PCDHGA11: variants seen among roughly 807,000 people sequenced by gnomAD.
The protein encoded by PCDHGA11 is protocadherin gamma subfamily A, 11.
A neutral mutation model predicts 60.4 loss-of-function variants in PCDHGA11; 39 were observed. The ratio of observed to expected loss-of-function variants is 0.65; its 90% CI spans 0.50 to 0.84. The LOEUF is 0.84. Among genes scored for constraint, PCDHGA11 ranks in the 40% least tolerant of loss-of-function variants. PCDHGA11 has a pLI of 0.00. For missense variants in PCDHGA11, 1,165 were observed against 1,197.7 expected (o/e 0.97, Z 0.40); for synonymous variants, 533 against 510.3 (o/e 1.04, Z -0.60).
Position 141,490,350 on chromosome 5 carries a change from G to T in PCDHGA11, c.2434-4457G>T. On this transcript the variant is annotated intron_variant, in intron 1 of 3. Transcript: ENST00000398587. This position sits in a 1 kb window ranked among gnomAD's most constrained non-coding sequence, Gnocchi z 5.4. Reference sequence around the variant, plus strand: ...GCACACCAGTGGGCACAGTAGTGGGGTTGTTTAATGTGCGAGACCGGGACT... The same window carrying T: ...GCACACCAGTGGGCACAGTAGTGGGTTTGTTTAATGTGCGAGACCGGGACT... 2 of 1,614,204 alleles carry T rather than the reference G, an allele frequency of 1.2e-6. No homozygotes were observed. The highest frequency in any genetic ancestry group is 1.7e-6 in the Non-Finnish European group (2 of 1,180,034).
intron 1 of PCDHGA11, among the ~76,000 whole-genome samples, chr5:141,451,106 G>A (rs1204327490): frequency 1.3e-5 from 2 of 152,164 alleles, no homozygotes; most frequent in African/African-American, 4.8e-5. Context: ...GGGATTACAG[G>A]CGTGAGCCAC....
chr5:141,426,596 C>T (rs1408090148), intron 1 of PCDHGA11: 9 of 377,102 alleles, frequency 2.4e-5, no homozygotes, highest in Middle Eastern at 3.9e-4. Context: ...GTGTCATACC[C>T]TTAGAGATTG....
Position 141,490,931 on chromosome 5 carries a change from T to C in PCDHGA11, c.2434-3876T>C. 1 of 1,613,780 alleles carries C rather than the reference T, an allele frequency of 6.2e-7. No individual in the cohort carries two copies. Among genetic ancestry groups the C allele is most frequent in the East Asian group, 2.2e-5 (1 of 44,872 alleles). ...GACGAGAATGATAATGCCCCAGCTG[T>C]GCTGCACCCACGGCCAGACTGGGAA... On this transcript the variant is annotated intron_variant, in intron 1 of 3. Transcript: ENST00000398587. This position sits in a 1 kb window ranked among gnomAD's most constrained non-coding sequence, Gnocchi z 5.4.
chr5:141,446,482 C>A (rs961785845), intron 1 of PCDHGA11, among the ~76,000 whole-genome samples: 2 of 146,988 alleles, frequency 1.4e-5, no homozygotes, highest in Non-Finnish European at 3.0e-5. Flanking sequence ...GGTCATCATT[C>A]TTTTTTTTTT....
At chr5:141,441,537 C>A in intron 1 of PCDHGA11, 1 of 173,250 alleles carries the variant, frequency 5.8e-6, no homozygotes, top group Non-Finnish European at 1.2e-5. Context: ...ACAATCTTCC[C>A]AAAGCCTCCA....
chr5:141,445,249 G>T (rs1337658576), intron 1 of PCDHGA11, among the ~76,000 whole-genome samples: 2 of 152,170 alleles, frequency 1.3e-5, no homozygotes, highest in Non-Finnish European at 2.9e-5. Context: ...ACTATATTGT[G>T]TGAGAATATA....
chr5:141,429,048 G>A (rs2097180589), intron 1 of PCDHGA11: 5 of 152,064 alleles, frequency 3.3e-5, no homozygotes, highest in Admixed American at 3.3e-4. Context: ...TACAGACGGG[G>A]TTTCACCGTG....
chr5:141,486,832 A>G lies in PCDHGA11; in HGVS notation c.2434-7975A>G. 2.5e-6 allele frequency: 4 copies of G among 1,614,182 alleles called. No individual in the cohort carries two copies. Among genetic ancestry groups the G allele is most frequent in the South Asian group, 1.1e-5 (1 of 91,082 alleles). ...TTAGCAGCACTGTAACAGTTCGTCT[A>G]TTTGTGCTGGACCTCAATGACAATG... On this transcript the variant is annotated intron_variant, in intron 1 of 3. Transcript: ENST00000398587. The surrounding 1 kb of genome is among the most constrained non-coding windows in gnomAD (Gnocchi z 5.0).
At chr5:141,499,828 A>G (rs921957227) in intron 2 of PCDHGA11, among the ~76,000 whole-genome samples, 1 of 151,834 alleles carries the variant, frequency 6.6e-6, no homozygotes, top group Non-Finnish European at 1.5e-5. Context: ...CTAGGATTAC[A>G]GGTGTGCACC....
intron 1 of PCDHGA11, chr5:141,429,216 T>A (rs1590916921): frequency 6.8e-6 from 1 of 146,786 alleles, no homozygotes; most frequent in Admixed American, 6.7e-5. Context: ...GTGTGAAAAG[T>A]GGGTATTATG....
Position 141,423,397 on chromosome 5 carries a change from C to T in PCDHGA11, c.2170C>T (p.Arg724Cys), listed in dbSNP as rs759822483. The T allele has an allele frequency of 1.9e-6, 3 of 1,614,146 alleles. No individual in the cohort carries two copies. The highest frequency in any genetic ancestry group is 2.2e-5 in the East Asian group (1 of 44,890). ...CAGGCTGTGGCGCTGGCATAAGTCA[C>T]GCCTGCTGCAGGCTTCTGAAGGCGG... ...ALRLWRWHKS[R>C]LLQASEGGLA... Residue 724 changes from arginine (R) to cysteine (C), a missense_variant, in exon 1 of 4, where the codon CGC becomes TGC. Coordinates refer to ENST00000398587, the MANE Select transcript of PCDHGA11 (RefSeq NM_018914.3).
chr5:141,424,084 A>G, intron 1 of PCDHGA11: 1 of 929,764 alleles, frequency 1.1e-6, no homozygotes, highest in Non-Finnish European at 1.3e-6. Context: ...ATATTCCACC[A>G]TTATTTGCTA....
Position 141,476,878 on chromosome 5 carries a change from G to A in PCDHGA11, c.2434-17929G>A. 2 of 1,613,960 alleles carry A rather than the reference G, an allele frequency of 1.2e-6. No homozygotes were observed. The highest frequency in any genetic ancestry group is 1.7e-6 in the Non-Finnish European group (2 of 1,180,034). Reference sequence around the variant, plus strand: ...AGTCCTTGTACCGGGCGCGCGTCCTGGAGGATGCACCCTCCGGCACGCGCG... The same window carrying A: ...AGTCCTTGTACCGGGCGCGCGTCCTAGAGGATGCACCCTCCGGCACGCGCG... On this transcript the variant is annotated intron_variant, in intron 1 of 3. Transcript: ENST00000398587. This position sits in a 1 kb window ranked among gnomAD's most constrained non-coding sequence, Gnocchi z 7.6.
chr5:141,442,485 G>A (rs1000683527), intron 1 of PCDHGA11: 2 of 152,248 alleles, frequency 1.3e-5, no homozygotes, highest in Non-Finnish European at 2.9e-5. Flanking sequence ...TGGGGAAGGG[G>A]ATGATTGTGA....
chr5:141,443,849 T>A (rs1233479391), intron 1 of PCDHGA11, among the ~76,000 whole-genome samples: 2 of 152,136 alleles, frequency 1.3e-5, no homozygotes, highest in Admixed American at 1.3e-4. Flanking sequence ...ATATGGAAAG[T>A]CTGAAAACTG....
intron 1 of PCDHGA11, chr5:141,430,540 G>T: frequency 2.6e-6 from 1 of 386,954 alleles, no homozygotes; most frequent in Admixed American, 4.2e-5. Flanking sequence ...GACTCTGAGC[G>T]CCGCTGTTCA....
At chr5:141,481,913 C>CAAAAA (rs34114744) in intron 1 of PCDHGA11, among the ~76,000 whole-genome samples, 2 of 90,852 alleles carry the variant, frequency 2.2e-5, no homozygotes, top group Non-Finnish European at 4.4e-5. Flanking sequence ...AACTCCATCT[C>CAAAAA]AAAAAAAAAA....
intron 1 of PCDHGA11, among the ~76,000 whole-genome samples, chr5:141,435,698 A>G (rs954167256): frequency 1.3e-5 from 2 of 152,184 alleles, no homozygotes; most frequent in African/African-American, 4.8e-5. Context: ...CTTATTGTAG[A>G]GTGGTTACAG....
In PCDHGA11 at chr5:141,421,487, C is replaced by A. The variant is rs1447180364; in HGVS notation, c.260C>A (p.Thr87Lys). Residue 87 changes from threonine (T) to lysine (K), a missense_variant, in exon 1 of 4, where the codon ACG (threonine) becomes AAG (lysine). Physicochemically the swap from Thr to Lys is moderately conservative, Grantham distance 78. Coordinates refer to ENST00000398587, the MANE Select transcript of PCDHGA11 (RefSeq NM_018914.3). Reference sequence around the variant, plus strand: ...AATCCGCGAAGCGGCAGCTTGATCACGGCAGGCAGGATAGACCGGGAGGAG... The same window carrying A: ...AATCCGCGAAGCGGCAGCTTGATCAAGGCAGGCAGGATAGACCGGGAGGAG... ...AVNPRSGSLI[T>K]AGRIDREELC... 6.2e-7 allele frequency: 1 copy of A among 1,613,976 alleles called. No homozygotes were observed. The highest frequency in any genetic ancestry group is 2.2e-5 in the East Asian group (1 of 44,892).
Sources: allele counts gnomAD v4.1 joint callset (sites outside exome capture counted in the v4.1 genomes callset), GRCh38; gene constraint gnomAD v4.1.1; non-coding constraint Gnocchi (gnomAD v3.1); transcripts MANE v1.5; gene names NCBI Gene and HGNC (gene_info 2026-07-23, HGNC 2026-07-21).